The following APC variants were observed in gnomAD, a reference collection of about 807,000 sequenced individuals.
APC encodes the protein APC regulator of Wnt signaling pathway, also known as adenomatous polyposis coli protein.
In APC, 72 loss-of-function variants were observed where a neutral mutation model predicts 247.0. The observed-to-expected ratio is 0.29, with a 90% CI of 0.24 to 0.35. The LOEUF (loss-of-function observed/expected upper bound fraction) is 0.35, where lower values mean the gene tolerates loss of function less well. Among genes scored for constraint, APC ranks in the 10% least tolerant of loss-of-function variants. APC has a pLI of 1.00. For synonymous variants in APC, 1,254 were observed against 1,162.5 expected, an observed-to-expected ratio of 1.08 and a Z score of -1.60; for missense variants, 3,400 against 3,360.7, an observed-to-expected ratio of 1.01 and a Z score of -0.29.
At chr5:112,827,709 C>T (rs947294061) in intron 12 of APC, among the ~76,000 whole-genome samples, 1 of 152,192 alleles carries the variant, frequency 6.6e-6, no homozygotes. Context: ...CACTTATTCA[C>T]TTTATTTCTC....
Position 112,831,954 on chromosome 5 carries a change from A to G in APC, c.1743+2982A>G, listed in dbSNP as rs4987110. ...GTTGACTTTGACTTGCTTCATTTCTAAACTGGCTGTACTATCTTGAGTTCC... is the reference window on the plus strand; with the variant it reads ...GTTGACTTTGACTTGCTTCATTTCTGAACTGGCTGTACTATCTTGAGTTCC... On this transcript the variant is annotated intron_variant, in intron 14 of 15. Transcript: ENST00000257430. Among the ~76,000 whole-genome samples the G allele has an allele frequency of 5.8e-3, 882 of 152,290 alleles. 6 individuals are homozygous for G. The highest frequency in any genetic ancestry group is 0.01 in the Middle Eastern group (3 of 294).
chr5:112,736,558 A>G (rs753935703), upstream of APC, among the ~76,000 whole-genome samples: 2 of 152,222 alleles, frequency 1.3e-5, no homozygotes, highest in Non-Finnish European at 2.9e-5. Context: ...ATGCTATTTA[A>G]TAGCTTGCTT....
At chr5:112,801,048 C>G (rs1315314877) in intron 7 of APC, among the ~76,000 whole-genome samples, 1 of 152,076 alleles carries the variant, frequency 6.6e-6, no homozygotes, top group African/African-American at 2.4e-5. Context: ...TCAGAAAATC[C>G]TTTGTCTCGT....
chr5:112,747,914 G>A (rs1475697669), intron 1 of APC, among the ~76,000 whole-genome samples: 1 of 152,196 alleles, frequency 6.6e-6, no homozygotes, highest in African/African-American at 2.4e-5. Flanking sequence ...ACCCAAATTA[G>A]GAAATTATGC....
At chr5:112,741,662 A>G (rs1449545653) in intron 1 of APC, among the ~76,000 whole-genome samples, 1 of 152,206 alleles carries the variant, frequency 6.6e-6, no homozygotes, top group Non-Finnish European at 1.5e-5. Context: ...TTAATTGTAC[A>G]GTTCTGTGGC....
chr5:112,781,039 T>C, intron 6 of APC, 136 bp downstream of exon 6: 2 of 701,400 alleles, frequency 2.9e-6, no homozygotes, highest in Admixed American at 4.2e-5. Context: ...CAAAATAAGA[T>C]TTATCATGGC....
At chr5:112,741,643 T>G (rs1273733742) in intron 1 of APC, among the ~76,000 whole-genome samples, 1 of 152,240 alleles carries the variant, frequency 6.6e-6, no homozygotes, top group African/African-American at 2.4e-5. Flanking sequence ...TTTACCATCT[T>G]AAGCACTTTT....
chr5:112,799,188 A>C (rs1207651373), intron 7 of APC, among the ~76,000 whole-genome samples: 1 of 150,966 alleles, frequency 6.6e-6, no homozygotes, highest in East Asian at 1.9e-4. Context: ...TGTCTCAAAA[A>C]AAAAAAAAAA....
chr5:112,816,328 AT>A (rs1762507601), intron 9 of APC, among the ~76,000 whole-genome samples: 1 of 152,126 alleles, frequency 6.6e-6, no homozygotes, highest in Non-Finnish European at 1.5e-5. Flanking sequence ...TTTTTTACTT[AT>A]CTTTTGCTGT....
chr5:112,814,698 C>A (rs1179981246), intron 8 of APC, among the ~76,000 whole-genome samples: 1 of 152,194 alleles, frequency 6.6e-6, no homozygotes, highest in Non-Finnish European at 1.5e-5. Context: ...TTGTACCATT[C>A]TCCTGCCTGA....
chr5:112,807,297 T>C (rs1761520402), intron 8 of APC, among the ~76,000 whole-genome samples: 1 of 152,166 alleles, frequency 6.6e-6, no homozygotes, highest in African/African-American at 2.4e-5. Context: ...TTTTAGGGAG[T>C]TCTGGGTTTT....
chr5:112,843,948 A>T lies in APC; in HGVS notation c.8354A>T (p.Asn2785Ile), dbSNP rs1408383396. ...GTVAARVTPF[N>I]YNPSPRKSSA... ...GTTGCTGCCAGAGTGACTCCTTTTA[A>T]TTACAACCCAAGCCCTAGGAAAAGC... Residue 2785 changes from asparagine to isoleucine, a missense_variant, in exon 16 of 16, where the codon AAT becomes ATT. By Grantham distance (149) the Asn-to-Ile change is moderately radical (BLOSUM62 -3). This residue lies in a region of APC where 1,788 missense variants were observed against 1,649.5 expected (regional missense o/e 1.08). Transcript: ENST00000257430. This position sits in a 1 kb window ranked among gnomAD's most constrained non-coding sequence, Gnocchi z 4.8. 1 of 1,609,862 alleles carries T rather than the reference A, an allele frequency of 6.2e-7. No homozygotes were observed. The highest frequency in any genetic ancestry group is 1.1e-5 in the South Asian group (1 of 90,592).
chr5:112,818,389 A>G (rs1444319761), intron 9 of APC, among the ~76,000 whole-genome samples: 2 of 152,194 alleles, frequency 1.3e-5, no homozygotes, highest in South Asian at 2.1e-4. Context: ...CTCACTCTGT[A>G]TGATCATGGC....
chr5:112,763,079 A>G (rs1262533267), intron 2 of APC, among the ~76,000 whole-genome samples: 2 of 152,266 alleles, frequency 1.3e-5, no homozygotes, highest in Middle Eastern at 3.4e-3. Context: ...ATCTTTTTAA[A>G]AATTGTTTGA....
intron 6 of APC, among the ~76,000 whole-genome samples, chr5:112,781,106 C>T (rs1758295532): frequency 6.6e-6 from 1 of 152,200 alleles, no homozygotes; most frequent in South Asian, 2.1e-4. Flanking sequence ...TTCATTTCCC[C>T]TGGTACTGTT....
intron 2 of APC, among the ~76,000 whole-genome samples, chr5:112,761,044 C>T (rs991871576): frequency 4.6e-5 from 7 of 152,046 alleles, no homozygotes; most frequent in African/African-American, 9.7e-5. Context: ...CTCCTGACCT[C>T]GTGATCCACC....
rs553269029 is a variant in APC at position 112,746,857 on chromosome 5, A to G, written c.-18-8016A>G. 3.7e-4 allele frequency among the ~76,000 whole-genome samples: 56 copies of G among 152,372 alleles called. 1 individual carries two copies. Among genetic ancestry groups the G allele is most frequent in the African/African-American group, 1.3e-3 (56 of 41,594 alleles). On this transcript the variant is annotated intron_variant, in intron 1 of 15. Transcript: ENST00000257430. ...GCAGGAAAGAAGAGTCACAAGTATC[A>G]TCACTTACAGATTATATGATTGCAT... is the stretch of plus-strand genomic sequence containing the variant.
chr5:112,799,228 A>G (rs1760534843), intron 7 of APC, among the ~76,000 whole-genome samples: 1 of 151,222 alleles, frequency 6.6e-6, no homozygotes, highest in South Asian at 2.1e-4. Flanking sequence ...TACTCAACAT[A>G]TTCAAAACAT....
At chr5:112,732,530 A>G (rs901441042) in intron 1 of APC, among the ~76,000 whole-genome samples, 2 of 152,190 alleles carry the variant, frequency 1.3e-5, no homozygotes, top group South Asian at 2.1e-4. Context: ...TTATTTAACA[A>G]TTGCTCTACT....
Sources: allele counts gnomAD v4.1 joint callset (sites outside exome capture counted in the v4.1 genomes callset), GRCh38; gene constraint gnomAD v4.1.1; regional missense constraint gnomAD v4.1.1; non-coding constraint Gnocchi (gnomAD v3.1); transcripts MANE v1.5; gene names NCBI Gene and HGNC (gene_info 2026-07-23, HGNC 2026-07-21).